Variants in ST7 observed in about 807,000 individuals in gnomAD.
The protein encoded by ST7 is suppressor of tumorigenicity 7 protein.
A neutral mutation model predicts 78.7 loss-of-function variants in ST7; 28 were observed. The ratio of observed to expected loss-of-function variants is 0.36; its 90% CI spans 0.26 to 0.49. ST7 has a LOEUF of 0.49. ST7 is among the 20% of genes least tolerant of loss of function. The pLI is 0.99. For missense variants in ST7, 418 were observed against 696.0 expected, an observed-to-expected ratio of 0.60 and a Z score of 4.49; for synonymous variants, 247 against 249.6, an observed-to-expected ratio of 0.99 and a Z score of 0.10.
intron 10 of ST7, among the ~76,000 whole-genome samples, chr7:117,180,020 G>T (rs887322865): frequency 6.6e-6 from 1 of 152,178 alleles, no homozygotes; most frequent in Non-Finnish European, 1.5e-5. Flanking sequence ...TTAGAATTTG[G>T]TTTTTCTTTC....
At chr7:116,967,507 C>G in intron 1 of ST7, 1 of 416,412 alleles carries the variant, frequency 2.4e-6, no homozygotes, top group South Asian at 1.7e-5. Flanking sequence ...TCCCAGTGGA[C>G]CTTTCTGCTA....
At chr7:117,217,564 G>T (rs1276284218) in intron 13 of ST7, among the ~76,000 whole-genome samples, 1 of 152,180 alleles carries the variant, frequency 6.6e-6, no homozygotes, top group African/African-American at 2.4e-5. Context: ...TGATCTTTGT[G>T]TGTTAACAAC....
rs186624656 is a variant in ST7, at chr7:117,133,375, A to C, written c.642-749A>C. On this transcript the variant is annotated intron_variant, in intron 6 of 15. Transcript: ENST00000323984. ...CAGTCCAGTAATTCATTTAGAATGG[A>C]TCAATTATTTGCTATCTTACATCTT... 2.0e-5 allele frequency among the ~76,000 whole-genome samples: 3 copies of C among 151,896 alleles called. No homozygotes were observed. In the East Asian group the frequency reaches 5.8e-4, roughly 30 times the overall value.
intron 1 of ST7, among the ~76,000 whole-genome samples, chr7:117,006,933 A>G (rs764366863): frequency 6.6e-6 from 1 of 152,200 alleles, no homozygotes; most frequent in Non-Finnish European, 1.5e-5. Flanking sequence ...AGCTTAATTG[A>G]TAAGTGTGTG....
chr7:117,071,055 T>C (rs1798920681), intron 1 of ST7, among the ~76,000 whole-genome samples: 1 of 151,648 alleles, frequency 6.6e-6, no homozygotes, highest in South Asian at 2.1e-4. Context: ...CCCTCTCTAC[T>C]AAAAACACAA....
At chr7:117,101,733 A>C (rs1345425998) in intron 2 of ST7, among the ~76,000 whole-genome samples, 3 of 152,246 alleles carry the variant, frequency 2.0e-5, no homozygotes, top group Non-Finnish European at 4.4e-5. Flanking sequence ...TTTTGGGTCT[A>C]ATTATATTAA....
At chr7:117,088,416 G>A (rs986569001) in intron 1 of ST7, among the ~76,000 whole-genome samples, 1 of 152,128 alleles carries the variant, frequency 6.6e-6, no homozygotes, top group Admixed American at 6.5e-5. Context: ...TAAATGTAGA[G>A]CATATATGAA....
chr7:117,107,988 A>T (rs1802117034), intron 2 of ST7, among the ~76,000 whole-genome samples: 1 of 152,044 alleles, frequency 6.6e-6, no homozygotes, highest in South Asian at 2.1e-4. Context: ...TCAGGATATT[A>T]GTCCTTTGTC....
In ST7 at chr7:117,166,655, T is replaced by G. The variant is rs12670227; in HGVS notation, c.964-4207T>G. 3.0e-3 allele frequency among the ~76,000 whole-genome samples: 459 copies of G among 152,026 alleles called. 2 individuals are homozygous for G. The highest frequency in any genetic ancestry group is 0.01 in the African/African-American group (425 of 41,434). ...CTGTAATCCCAGCACTTTGGGAGGCTGAGGCAGGTGGATCACAAGGTCAGG... is the reference window on the plus strand; with the variant it reads ...CTGTAATCCCAGCACTTTGGGAGGCGGAGGCAGGTGGATCACAAGGTCAGG... On this transcript the variant is annotated intron_variant, in intron 9 of 15. Transcript: ENST00000323984.
At chr7:117,083,753 C>T (rs536960768) in intron 1 of ST7, among the ~76,000 whole-genome samples, 145 of 152,118 alleles carry the variant, frequency 9.5e-4, no homozygotes, top group African/African-American at 3.4e-3. Context: ...TCTTAATTCT[C>T]AAGAAAGAAA....
intron 12 of ST7, among the ~76,000 whole-genome samples, chr7:117,200,713 T>A (rs1810746439): frequency 6.6e-6 from 1 of 151,994 alleles, no homozygotes; most frequent in Non-Finnish European, 1.5e-5. Flanking sequence ...CAGTACGTAT[T>A]TAGCTTTCAA....
intron 2 of ST7, among the ~76,000 whole-genome samples, chr7:117,106,241 A>G (rs928190838): frequency 6.6e-6 from 1 of 150,850 alleles, no homozygotes; most frequent in African/African-American, 2.4e-5. Context: ...CTCAAGATCC[A>G]CCCGCCTCGG....
chr7:117,153,039 G>A (rs957834963), intron 9 of ST7, among the ~76,000 whole-genome samples: 2 of 152,176 alleles, frequency 1.3e-5, no homozygotes, highest in African/African-American at 4.8e-5. Flanking sequence ...TTCAATTTGT[G>A]AGATTTAAGA....
At chr7:117,221,406 T>G (rs1793079623) in intron 14 of ST7, among the ~76,000 whole-genome samples, 1 of 152,134 alleles carries the variant, frequency 6.6e-6, no homozygotes, top group Admixed American at 6.5e-5. Flanking sequence ...CACCCTCCAC[T>G]GATATACTTA....
Position 117,131,912 on chromosome 7 carries a change from AC to A in ST7, c.598del (p.Gln200LysfsTer13). 6.2e-7 allele frequency: 1 copy of A among 1,611,264 alleles called. No homozygotes were observed. Among genetic ancestry groups the A allele is most frequent in the Non-Finnish European group, 8.5e-7 (1 of 1,178,168 alleles). ...AIMQKAWRER[N>X]PQARISAAHE... ...ATGCAGAAAGCCTGGAGAGAGAGAA[AC>A]CCCCAAGCTAGGATTTCTGCAGCTC... is the stretch of plus-strand genomic sequence containing the variant. On this transcript the variant is annotated frameshift_variant, in exon 6 of 16. Coordinates refer to ENST00000323984, the MANE Select transcript of ST7 (RefSeq NM_001369598.1). LOFTEE classifies it high-confidence loss of function.
intron 1 of ST7, among the ~76,000 whole-genome samples, chr7:117,000,307 T>C (rs1286347180): frequency 6.6e-6 from 1 of 152,214 alleles, no homozygotes. Flanking sequence ...TCTGCAATAA[T>C]GGAAATGTCC....
At chr7:117,041,394 G>A (rs912484119) in intron 1 of ST7, among the ~76,000 whole-genome samples, 2 of 152,126 alleles carry the variant, frequency 1.3e-5, no homozygotes, top group South Asian at 4.1e-4. Flanking sequence ...ATTAGCCAGA[G>A]CTATAAGACA....
At chr7:117,173,489 C>A (rs1341909848) in intron 10 of ST7, 1 of 152,200 alleles carries the variant, frequency 6.6e-6, no homozygotes, top group Admixed American at 6.5e-5. Context: ...GAAATGGGTT[C>A]TTTCAAGTTT....
At chr7:117,087,136 G>C (rs1273492924) in intron 1 of ST7, among the ~76,000 whole-genome samples, 1 of 152,088 alleles carries the variant, frequency 6.6e-6, no homozygotes, top group Non-Finnish European at 1.5e-5. Context: ...CCTAACTTTG[G>C]ATCAGATTTG....
Sources: allele counts gnomAD v4.1 joint callset (sites outside exome capture counted in the v4.1 genomes callset), GRCh38; gene constraint gnomAD v4.1.1; transcripts MANE v1.5; gene names NCBI Gene and HGNC (gene_info 2026-07-23, HGNC 2026-07-21).